ARHGEF37: variants seen among roughly 807,000 people sequenced by gnomAD.
ARHGEF37 encodes the protein Rho guanine nucleotide exchange factor (GEF) 37.
In ARHGEF37, 55 loss-of-function variants were observed where a neutral mutation model predicts 71.1. The ratio of observed to expected loss-of-function variants is 0.77; its 90% CI spans 0.62 to 0.97. The LOEUF is 0.97. ARHGEF37 is among the 50% of genes least tolerant of loss of function. ARHGEF37 has a pLI of 0.00. For missense variants in ARHGEF37, 765 were observed against 836.8 expected, an observed-to-expected ratio of 0.91 and a Z score of 1.06; for synonymous variants, 327 against 350.6, an observed-to-expected ratio of 0.93 and a Z score of 0.75.
intron 4 of ARHGEF37, 151 bp downstream of exon 4, chr5:149,609,846 C>T (rs976938761): frequency 4.0e-5 from 40 of 988,824 alleles, no homozygotes; most frequent in South Asian, 2.9e-4. Context: ...CAGGCTGTGC[C>T]ACAGAGACAA....
At chr5:149,618,120 TC>T (rs1752427381) in intron 5 of ARHGEF37, 55 bp from the exon 6 acceptor site, 2 of 1,604,718 alleles carry the variant, frequency 1.2e-6, no homozygotes, top group South Asian at 1.1e-5. Context: ...GTCCGTGACA[TC>T]CACTTTCCTG....
At position 149,616,895 on chromosome 5, in the gene ARHGEF37, C is replaced by T. The variant is rs192026354; in HGVS notation, c.658+129C>T. 3 of 989,696 alleles carry T rather than the reference C, an allele frequency of 3.0e-6. No homozygotes were observed. In the Admixed American group the frequency reaches 8.2e-5, roughly 27 times the overall value. 61.3% of individuals were successfully genotyped at this position (989,696 alleles called of 1,614,324 possible). ...TGTAACTATAAATCCAGAGGTAATG[C>T]AAGCTTTAGGTAGGGTTCGATCAGG... On this transcript the variant is annotated intron_variant, in intron 5 of 12. Transcript: ENST00000333677.
chr5:149,621,145 A>T (rs905699372), intron 8 of ARHGEF37, among the ~76,000 whole-genome samples: 1 of 151,778 alleles, frequency 6.6e-6, no homozygotes, highest in Non-Finnish European at 1.5e-5. Context: ...AGCCCCAAAG[A>T]CTCTTGACCA....
intron 10 of ARHGEF37, among the ~76,000 whole-genome samples, chr5:149,625,420 C>T (rs1752656706): frequency 6.6e-6 from 1 of 152,140 alleles, no homozygotes; most frequent in Non-Finnish European, 1.5e-5. Flanking sequence ...CAGAAGACAG[C>T]CCTGAGATTC....
intron 1 of ARHGEF37, among the ~76,000 whole-genome samples, chr5:149,583,128 G>T (rs1021727387): frequency 7.2e-5 from 11 of 152,134 alleles, no homozygotes; most frequent in Non-Finnish European, 1.5e-4. Flanking sequence ...CCGTTTTTTT[G>T]TTGTTGTTTT....
intron 12 of ARHGEF37, among the ~76,000 whole-genome samples, chr5:149,629,859 A>G (rs1752825788): frequency 6.6e-6 from 1 of 152,262 alleles, no homozygotes; most frequent in Non-Finnish European, 1.5e-5. Context: ...TTATTCAGCC[A>G]TAGAGACGAA....
At chr5:149,576,917 C>G (rs1311970408), upstream of ARHGEF37, among the ~76,000 whole-genome samples, 1 of 151,840 alleles carries the variant, frequency 6.6e-6, no homozygotes, top group Non-Finnish European at 1.5e-5. Context: ...GATCGTGCCA[C>G]TGCACTCCAG....
At position 149,601,113 on chromosome 5, in the gene ARHGEF37, G is replaced by A. The variant is rs568489670; in HGVS notation, c.192G>A (p.Pro64=). 9.3e-6 allele frequency: 15 copies of A among 1,609,736 alleles called. No individual in the cohort carries two copies. The highest frequency in any genetic ancestry group is 2.2e-5 in the East Asian group (1 of 44,734). The part of the protein sequence containing the change: ...SDIRSRLQQL[P]QGDLDVLFSN... ...GGCTTCTTTGTTCCTTCCAGTTGCC[G>A]CAGGGAGATCTGGATGTCCTGTTCT... The change falls in exon 3 of 13, where the codon CCG becomes CCA. Residue 64 remains proline (P), a synonymous_variant. Coordinates refer to ENST00000333677, the MANE Select transcript of ARHGEF37 (RefSeq NM_001001669.3).
At chr5:149,575,671 ATTTTTT>A (rs751297275) in intron 1 of ARHGEF37, among the ~76,000 whole-genome samples, 4 of 107,284 alleles carry the variant, frequency 3.7e-5, no homozygotes, top group Non-Finnish European at 5.8e-5. Context: ...CCAAATGACT[ATTTTTT>A]TTTTTTTTTT....
At position 149,627,247 on chromosome 5, in the gene ARHGEF37, G is replaced by A. The variant is rs773756400; in HGVS notation, c.1636G>A (p.Gly546Ser). ...AAACAAGGACACCAAAGGCAACAGC[G>A]GCCGCTGGCTGGTGGACACCGGGGG... ...LQNKDTKGNS[G>S]RWLVDTGGHR... is the part of the protein sequence containing the mutation. Residue 546 changes from glycine to serine, a missense_variant, in exon 11 of 13, where the codon GGC becomes AGC. Coordinates refer to ENST00000333677, the MANE Select transcript of ARHGEF37 (RefSeq NM_001001669.3). 7.4e-6 allele frequency: 12 copies of A among 1,613,712 alleles called. No individual in the cohort carries two copies. Among genetic ancestry groups the A allele is most frequent in the Admixed American group, 1.7e-5 (1 of 60,002 alleles).
At chr5:149,566,369 C>A (rs1055450244) in intron 1 of ARHGEF37, among the ~76,000 whole-genome samples, 3 of 151,886 alleles carry the variant, frequency 2.0e-5, no homozygotes, top group African/African-American at 4.8e-5. Flanking sequence ...TGGTAGCAGG[C>A]ACCTGTAATC....
At chr5:149,553,908 C>CTGTAA (rs1298581520) in intron 1 of ARHGEF37, among the ~76,000 whole-genome samples, 1 of 152,200 alleles carries the variant, frequency 6.6e-6, no homozygotes, top group Non-Finnish European at 1.5e-5. Flanking sequence ...TGGCTCACAC[C>CTGTAA]TGTAATCCTA....
Position 149,633,419 on chromosome 5 carries a change from G to C in ARHGEF37, c.*1228G>C, listed in dbSNP as rs1752946651. ...GGGGCTTCTCAATACTGCATTCTAT[G>C]TAGCCAGCCTCTTTAACTTGGTAAG... On this transcript the variant is annotated 3_prime_UTR_variant, in exon 13 of 13. Coordinates refer to ENST00000333677, the MANE Select transcript of ARHGEF37 (RefSeq NM_001001669.3). 1.3e-5 allele frequency: 2 copies of C among 152,216 alleles called. No homozygotes were observed. Among genetic ancestry groups the C allele is most frequent in the African/African-American group, 4.8e-5 (2 of 41,446 alleles). 9.4% of individuals were successfully genotyped at this position (152,216 alleles called of 1,614,324 possible).
chr5:149,576,714 T>C (rs566595894), upstream of ARHGEF37, among the ~76,000 whole-genome samples: 126 of 152,304 alleles, frequency 8.3e-4, 1 homozygote, highest in Non-Finnish European at 1.4e-3. Context: ...CCCAGCACTT[T>C]GGGAGGCAAG....
chr5:149,552,127 T>G (rs1441313999), intron 1 of ARHGEF37: 2 of 150,704 alleles, frequency 1.3e-5, no homozygotes, highest in Non-Finnish European at 2.9e-5. Flanking sequence ...AAACCTGGTA[T>G]GTTGCTCATA....
intron 1 of ARHGEF37, among the ~76,000 whole-genome samples, chr5:149,553,035 T>G (rs1580875426): frequency 6.6e-6 from 1 of 152,242 alleles, no homozygotes; most frequent in East Asian, 1.9e-4. Context: ...ATCAGCACTG[T>G]TAGACATCAT....
intron 1 of ARHGEF37, among the ~76,000 whole-genome samples, chr5:149,566,140 C>T (rs923494477): frequency 1.3e-5 from 2 of 151,724 alleles, no homozygotes; most frequent in Admixed American, 6.6e-5. Context: ...ACCACCGTGC[C>T]TGGCCCAGAA....
At chr5:149,609,423 G>A (rs1396372028) in intron 3 of ARHGEF37, 125 bp from the exon 4 acceptor site, 2 of 1,044,374 alleles carry the variant, frequency 1.9e-6, no homozygotes, top group African/African-American at 3.1e-5. Context: ...TGCCCATGGT[G>A]ACATGCTGGT....
intron 4 of ARHGEF37, among the ~76,000 whole-genome samples, chr5:149,615,053 G>A (rs750546236): frequency 6.6e-6 from 1 of 152,312 alleles, no homozygotes; most frequent in Non-Finnish European, 1.5e-5. Context: ...GACTCTGGAT[G>A]AAATTCCAGA....
Sources: allele counts gnomAD v4.1 joint callset (sites outside exome capture counted in the v4.1 genomes callset), GRCh38; gene constraint gnomAD v4.1.1; transcripts MANE v1.5; gene names NCBI Gene and HGNC (gene_info 2026-07-23, HGNC 2026-07-21).